Variants in LTBP1 observed in about 807,000 individuals in gnomAD.
The protein encoded by LTBP1 is latent transforming growth factor beta binding protein 1, also known as latent-transforming growth factor beta-binding protein 1.
In LTBP1, 129 loss-of-function variants were observed where a neutral mutation model predicts 207.6. That is an observed-to-expected ratio of 0.62 (90% CI 0.54 to 0.72). The LOEUF (loss-of-function observed/expected upper bound fraction) is 0.72. Ranked by LOEUF, LTBP1 falls within the 30% of genes least tolerant of loss-of-function variation. LTBP1 has a pLI of 0.00. For missense variants in LTBP1, 2,281 were observed against 2,217.2 expected, an observed-to-expected ratio of 1.03 and a Z score of -0.58; for synonymous variants, 963 against 833.7, an observed-to-expected ratio of 1.16 and a Z score of -2.67.
chr2:33,251,084 G>C (rs1376885030), intron 10 of LTBP1, among the ~76,000 whole-genome samples: 2 of 152,134 alleles, frequency 1.3e-5, no homozygotes, highest in Non-Finnish European at 2.9e-5. Flanking sequence ...GCCAGTGTAC[G>C]CTGCCCTCGG....
At chr2:33,385,311 T>G (rs1166415733) in intron 31 of LTBP1, among the ~76,000 whole-genome samples, 2 of 152,218 alleles carry the variant, frequency 1.3e-5, no homozygotes, top group Non-Finnish European at 2.9e-5. Context: ...CTTCCATTGC[T>G]CTTTACTGCA....
intron 3 of LTBP1, among the ~76,000 whole-genome samples, chr2:33,066,455 T>G (rs1460550719): frequency 1.3e-5 from 2 of 152,064 alleles, no homozygotes; most frequent in Non-Finnish European, 2.9e-5. Context: ...TACAGTGACT[T>G]TTTTTTATTT....
intron 24 of LTBP1, among the ~76,000 whole-genome samples, chr2:33,318,448 A>C (rs1445900727): frequency 1.3e-5 from 2 of 152,190 alleles, no homozygotes; most frequent in Non-Finnish European, 2.9e-5. Context: ...CCGACATTCC[A>C]CTAGGGGAAT....
chr2:33,001,590 A>G (rs1038506359), intron 2 of LTBP1, among the ~76,000 whole-genome samples: 1 of 134,934 alleles, frequency 7.4e-6, no homozygotes, highest in Non-Finnish European at 1.6e-5. Flanking sequence ...TGAAGAAATC[A>G]GTGTCAGTTG....
chr2:33,284,561 T>C (rs1357246023), intron 19 of LTBP1, among the ~76,000 whole-genome samples: 1 of 152,228 alleles, frequency 6.6e-6, no homozygotes, highest in Non-Finnish European at 1.5e-5. Context: ...CTCTGGGTTC[T>C]GGCCAGTTCC....
chr2:33,069,867 G>A lies in LTBP1; in HGVS notation c.864-40715G>A, dbSNP rs538675609. ...CTTAGAATGGAAGACGGTATTCCCC[G>A]AAGAGCTCTCAACAGCTCACAGTCT... On this transcript the variant is annotated intron_variant, in intron 3 of 33. Transcript: ENST00000404816. 3.3e-5 allele frequency among the ~76,000 whole-genome samples: 5 copies of A among 152,306 alleles called. No individual in the cohort carries two copies. The East Asian group carries it at 5.8e-4, about 18-fold the overall frequency.
intron 5 of LTBP1, among the ~76,000 whole-genome samples, chr2:33,159,182 C>T (rs1348580810): frequency 6.6e-6 from 1 of 152,172 alleles, no homozygotes; most frequent in Admixed American, 6.5e-5. Flanking sequence ...TTGCTTCCCT[C>T]TCCTAAGTGA....
chr2:33,210,719 A>G (rs2090247334), intron 7 of LTBP1, among the ~76,000 whole-genome samples: 1 of 151,992 alleles, frequency 6.6e-6, no homozygotes, highest in African/African-American at 2.4e-5. Flanking sequence ...CTTCGTATTG[A>G]CCTGCCTTCC....
chr2:33,151,823 TTGTGTGTGTGTGTGTGTGTGTGTGTGTG>T (rs10526529), intron 5 of LTBP1, among the ~76,000 whole-genome samples: 29 of 129,484 alleles, frequency 2.2e-4, no homozygotes, highest in South Asian at 7.8e-4. Flanking sequence ...GTATTCCATT[TTGTGTGTGTGTGTGTGTGTGTGTGTGTG>T]TGTGTGTGTG....
At chr2:32,982,752 C>T (rs762027415) in intron 2 of LTBP1, among the ~76,000 whole-genome samples, 1 of 152,198 alleles carries the variant, frequency 6.6e-6, no homozygotes, top group Non-Finnish European at 1.5e-5. Context: ...TGGCAGCTTC[C>T]ACATGATGTT....
intron 7 of LTBP1, among the ~76,000 whole-genome samples, chr2:33,198,052 T>A (rs2088774915): frequency 6.6e-6 from 1 of 152,170 alleles, no homozygotes; most frequent in Admixed American, 6.5e-5. Flanking sequence ...ATAAAGATGA[T>A]CAAATAACAC....
chr2:32,994,741 A>G (rs1684989850), intron 2 of LTBP1, among the ~76,000 whole-genome samples: 1 of 152,170 alleles, frequency 6.6e-6, no homozygotes. Flanking sequence ...TGCTGGGATT[A>G]CAGGCGTGAG....
At chr2:33,312,230 G>T (rs914339610) in intron 23 of LTBP1, among the ~76,000 whole-genome samples, 2 of 152,166 alleles carry the variant, frequency 1.3e-5, no homozygotes, top group African/African-American at 2.4e-5. Context: ...AAATGTAATT[G>T]ATGGCAATGC....
chr2:33,323,396 G>A (rs1000957438), intron 24 of LTBP1, among the ~76,000 whole-genome samples: 1 of 152,142 alleles, frequency 6.6e-6, no homozygotes, highest in Non-Finnish European at 1.5e-5. Flanking sequence ...CAGCACTTTG[G>A]GAGGCCGAAA....
rs764177837 is a variant in LTBP1 at position 33,021,190 on chromosome 2, C to G, written c.847C>G (p.Gln283Glu). Reference sequence around the variant, plus strand: ...GCCGAAGCCTTCAGTGGGACTCCCCCAGCAGATACATTCTCAGTGAGTGTT... The same window carrying G: ...GCCGAAGCCTTCAGTGGGACTCCCCGAGCAGATACATTCTCAGTGAGTGTT... Reference protein sequence around the residue: ...LKPKPSVGLPQQIHSQVTPLS... With the variant: ...LKPKPSVGLPEQIHSQVTPLS... The change falls in exon 3 of 34, where the codon CAG becomes GAG. Residue 283 changes from glutamine (Q) to glutamate (E), a missense_variant. Transcript: ENST00000404816. 23 of 1,597,762 alleles carry G rather than the reference C, an allele frequency of 1.4e-5. No homozygotes were observed. The highest frequency in any genetic ancestry group is 1.6e-5 in the Non-Finnish European group (19 of 1,169,044).
intron 5 of LTBP1, among the ~76,000 whole-genome samples, chr2:33,143,238 A>G (rs867567723): frequency 6.6e-5 from 10 of 152,196 alleles, no homozygotes; most frequent in South Asian, 6.2e-4. Flanking sequence ...ACAGAGCCTC[A>G]TTTCCCTTAT....
At chr2:32,993,268 C>T (rs1318464767) in intron 2 of LTBP1, among the ~76,000 whole-genome samples, 1 of 151,694 alleles carries the variant, frequency 6.6e-6, no homozygotes, top group Non-Finnish European at 1.5e-5. Context: ...CCAGGGCTGG[C>T]GTAAAAGCAA....
intron 3 of LTBP1, among the ~76,000 whole-genome samples, chr2:33,032,546 C>A (rs938884852): frequency 1.3e-5 from 2 of 152,124 alleles, no homozygotes; most frequent in African/African-American, 4.8e-5. Flanking sequence ...TATTGGTGAA[C>A]TGGAAAGGAA....
At chr2:33,203,372 A>G (rs1434512389) in intron 7 of LTBP1, among the ~76,000 whole-genome samples, 1 of 152,240 alleles carries the variant, frequency 6.6e-6, no homozygotes, top group African/African-American at 2.4e-5. Flanking sequence ...GGAGAGGAGA[A>G]CTGCTCGTTT....
Sources: gnomAD v4.1 joint callset for allele counts (sites outside exome capture counted in the v4.1 genomes callset) on GRCh38, gnomAD v4.1.1 for gene constraint, MANE v1.5 for transcripts, NCBI Gene and HGNC (gene_info 2026-07-23, HGNC 2026-07-21) for gene names.